AGBL4: variants seen among roughly 807,000 people sequenced by gnomAD.
AGBL4 encodes cytosolic carboxypeptidase 6.
AGBL4 carries 58 observed loss-of-function variants against 66.4 expected under a neutral mutation model. That is an observed-to-expected ratio of 0.87 (90% confidence interval 0.71 to 1.09). The LOEUF is 1.09. Among genes scored for constraint, AGBL4 ranks in the 50% least tolerant of loss-of-function variants. The probability of loss-of-function intolerance (pLI) is 0.00; values close to 1 mark genes in which losing one functional copy is unlikely to be tolerated. For synonymous variants in AGBL4, 234 were observed against 222.9 expected, an observed-to-expected ratio of 1.05 and a Z score of -0.44; for missense variants, 579 against 631.0, an observed-to-expected ratio of 0.92 and a Z score of 0.88.
intron 1 of AGBL4, among the ~76,000 whole-genome samples, chr1:49,913,795 G>A (rs538261490): frequency 4.6e-4 from 70 of 152,304 alleles, no homozygotes; most frequent in African/African-American, 1.7e-3. Context: ...GTACCTTCTA[G>A]AGCAGTGTAT....
At chr1:49,875,395 G>A (rs988926073) in intron 1 of AGBL4, among the ~76,000 whole-genome samples, 2 of 135,178 alleles carry the variant, frequency 1.5e-5, no homozygotes, top group Non-Finnish European at 3.1e-5. Context: ...CTATGAGTGA[G>A]AATATGCGGT....
At chr1:49,535,748 G>A (rs751026982) in intron 3 of AGBL4, among the ~76,000 whole-genome samples, 48 of 152,164 alleles carry the variant, frequency 3.2e-4, no homozygotes, top group Non-Finnish European at 5.6e-4. Flanking sequence ...CTGGAGTGCC[G>A]TGGCGCGATC....
chr1:48,923,764 G>T (rs1654291086), intron 5 of AGBL4, among the ~76,000 whole-genome samples: 1 of 152,250 alleles, frequency 6.6e-6, no homozygotes, highest in Non-Finnish European at 1.5e-5. Flanking sequence ...TAACGAATTT[G>T]CATTTGGCCA....
At position 48,677,643 on chromosome 1, in the gene AGBL4, G is replaced by A. The variant is rs541119535; in HGVS notation, c.635-14402C>T. Among the ~76,000 whole-genome samples, 21 of 152,314 alleles carry A rather than the reference G, an allele frequency of 1.4e-4. No individual in the cohort carries two copies. In the South Asian group the frequency reaches 3.5e-3, roughly 26 times the overall value. On this transcript the variant is annotated intron_variant, in intron 6 of 13. Transcript: ENST00000371839. ...AGTCCACATGATGAGCAGCTGCGAC[G>A]TCAGTCTAACTCCAAAACCCTGCGC...
At chr1:49,769,433 A>G (rs1169664703) in intron 2 of AGBL4, among the ~76,000 whole-genome samples, 1 of 152,194 alleles carries the variant, frequency 6.6e-6, no homozygotes, top group Non-Finnish European at 1.5e-5. Flanking sequence ...TCAAACTACC[A>G]ATGTTATTTG....
At chr1:49,504,644 T>C (rs1362672586) in intron 3 of AGBL4, among the ~76,000 whole-genome samples, 1 of 152,114 alleles carries the variant, frequency 6.6e-6, no homozygotes, top group Non-Finnish European at 1.5e-5. Flanking sequence ...TTTTATATGA[T>C]TAAAAATACA....
intron 2 of AGBL4, among the ~76,000 whole-genome samples, chr1:49,782,824 T>C (rs1278270686): frequency 6.6e-6 from 1 of 152,296 alleles, no homozygotes; most frequent in East Asian, 1.9e-4. Context: ...TGCCATGAGA[T>C]GATGCAGCAA....
chr1:49,600,554 T>C, intron 3 of AGBL4, among the ~76,000 whole-genome samples: 1 of 152,240 alleles, frequency 6.6e-6, no homozygotes, highest in East Asian at 1.9e-4. Flanking sequence ...GGGTCTTGAC[T>C]CTTTATCCAA....
intron 4 of AGBL4, among the ~76,000 whole-genome samples, chr1:49,169,265 G>T (rs1290340539): frequency 6.6e-6 from 1 of 152,148 alleles, no homozygotes; most frequent in Admixed American, 6.6e-5. Flanking sequence ...CTTACCCTCT[G>T]CTCTAACTCA....
chr1:49,614,345 T>A (rs1645211586), intron 3 of AGBL4, among the ~76,000 whole-genome samples: 1 of 152,144 alleles, frequency 6.6e-6, no homozygotes. Flanking sequence ...CTCAATATTG[T>A]TTTTGTGAGA....
At chr1:49,465,872 C>A (rs1251117020) in intron 3 of AGBL4, among the ~76,000 whole-genome samples, 1 of 151,824 alleles carries the variant, frequency 6.6e-6, no homozygotes, top group Non-Finnish European at 1.5e-5. Flanking sequence ...AACAAATGAT[C>A]TTTCTGTGGG....
chr1:48,707,834 C>T (rs1646904395), intron 6 of AGBL4, among the ~76,000 whole-genome samples: 1 of 152,082 alleles, frequency 6.6e-6, no homozygotes, highest in Non-Finnish European at 1.5e-5. Flanking sequence ...CATGCCTGAC[C>T]GGGGTGATTT....
At chr1:48,768,193 A>G (rs1002974245) in intron 6 of AGBL4, among the ~76,000 whole-genome samples, 3 of 151,916 alleles carry the variant, frequency 2.0e-5, no homozygotes, top group African/African-American at 4.8e-5. Flanking sequence ...GAGTATGTCA[A>G]TATAACTTCC....
intron 6 of AGBL4, among the ~76,000 whole-genome samples, chr1:48,709,865 G>A (rs758017446): frequency 7.2e-5 from 11 of 152,216 alleles, no homozygotes; most frequent in Non-Finnish European, 1.5e-4. Context: ...GCCTCCCAAA[G>A]TGCTGGGATT....
intron 6 of AGBL4, among the ~76,000 whole-genome samples, chr1:48,812,564 C>T (rs890646921): frequency 4.6e-5 from 7 of 152,162 alleles, no homozygotes; most frequent in Admixed American, 1.3e-4. Context: ...CATTCCCAAC[C>T]TTTAAGGATT....
At chr1:49,355,510 A>T (rs1012964085) in intron 3 of AGBL4, among the ~76,000 whole-genome samples, 2 of 152,132 alleles carry the variant, frequency 1.3e-5, no homozygotes, top group Non-Finnish European at 2.9e-5. Flanking sequence ...CCTTGATTCC[A>T]TATGTGTCCC....
chr1:48,669,566 T>C (rs148091440), intron 6 of AGBL4, among the ~76,000 whole-genome samples: 146 of 152,302 alleles, frequency 9.6e-4, no homozygotes, highest in Admixed American at 2.7e-3. Context: ...TACAAGAATA[T>C]TATACTTGAT....
At chr1:49,688,927 AT>A (rs1299750195) in intron 3 of AGBL4, among the ~76,000 whole-genome samples, 1 of 151,794 alleles carries the variant, frequency 6.6e-6, no homozygotes, top group Non-Finnish European at 1.5e-5. Flanking sequence ...ATATTATTTG[AT>A]TTTTTTCCTA....
At chr1:49,897,235 T>C (rs1350843183) in intron 1 of AGBL4, among the ~76,000 whole-genome samples, 1 of 151,940 alleles carries the variant, frequency 6.6e-6, no homozygotes, top group Non-Finnish European at 1.5e-5. Flanking sequence ...CAGAAAACTA[T>C]TAGAACTGAT....
Sources: allele counts gnomAD v4.1 joint callset (sites outside exome capture counted in the v4.1 genomes callset), GRCh38; gene constraint gnomAD v4.1.1; transcripts MANE v1.5; gene names NCBI Gene and HGNC (gene_info 2026-07-23, HGNC 2026-07-21).